The following ANKRD11 variants were observed in gnomAD, a reference collection of about 807,000 sequenced individuals.
ANKRD11 encodes ankyrin repeat domain-containing protein 11.
A neutral mutation model predicts 195.7 loss-of-function variants in ANKRD11; 17 were observed. That is an observed-to-expected ratio of 0.09 (90% confidence interval 0.06 to 0.13). The LOEUF (loss-of-function observed/expected upper bound fraction) is 0.13, where lower values mean the gene tolerates loss of function less well. ANKRD11 is among the 10% of genes least tolerant of loss of function. The pLI is 1.00. For missense variants in ANKRD11, 3,735 were observed against 3,566.1 expected (o/e 1.05, Z -1.21); for synonymous variants, 1,953 against 1,528.1 (o/e 1.28, Z -6.49).
At chr16:89,391,147 G>C (rs2041176481) in intron 2 of ANKRD11, among the ~76,000 whole-genome samples, 1 of 150,334 alleles carries the variant, frequency 6.7e-6, no homozygotes, top group Non-Finnish European at 1.5e-5. Flanking sequence ...AGAATGGTGT[G>C]AACCCGGAAG....
rs1454955433 is a variant in ANKRD11 at position 89,282,249 on chromosome 16, A to G, written c.4293T>C (p.Asn1431=). ...ELFSTEKKDK[N]DSEREPSKKI... ...TCTTGGAAGGTTCTCTCTCGGAATC[A>G]TTTTTATCTTTCTTTTCGGTAGAAA... The change falls in exon 9 of 13, where the codon AAT becomes AAC. Residue 1431 remains asparagine, a synonymous_variant. Transcript: ENST00000301030. The G allele has an allele frequency of 2.5e-6, 4 of 1,613,524 alleles. No homozygotes were observed. The African/African-American group carries it at 5.4e-5, about 22-fold the overall frequency.
intron 2 of ANKRD11, among the ~76,000 whole-genome samples, chr16:89,318,353 G>A (rs2037089406): frequency 6.6e-6 from 1 of 152,196 alleles, no homozygotes; most frequent in Non-Finnish European, 1.5e-5. Context: ...CACACCCAAA[G>A]CCACTGTCCC....
At chr16:89,271,923 C>T (rs2033191452) in intron 11 of ANKRD11, 1 of 152,180 alleles carries the variant, frequency 6.6e-6, no homozygotes. Flanking sequence ...AAGCTTCTGT[C>T]CAGCAAAGGA....
At chr16:89,301,227 G>A (rs1006800123) in intron 4 of ANKRD11, 1 of 408,376 alleles carries the variant, frequency 2.4e-6, no homozygotes, top group Non-Finnish European at 4.3e-6. Context: ...CCGCCAAAGT[G>A]CTGGAAGGGT....
chr16:89,311,390 A>G (rs890299611), intron 3 of ANKRD11, among the ~76,000 whole-genome samples: 2 of 152,236 alleles, frequency 1.3e-5, no homozygotes, highest in African/African-American at 4.8e-5. Context: ...GTATCAGTAT[A>G]GTACTAACAC....
Position 89,283,001 on chromosome 16 carries a change from G to C in ANKRD11, c.3541C>G (p.Pro1181Ala). 2 of 1,613,554 alleles carry C rather than the reference G, an allele frequency of 1.2e-6. No individual in the cohort carries two copies. The highest frequency in any genetic ancestry group is 3.3e-4 in the Middle Eastern group (2 of 6,062). The change falls in exon 9 of 13, where the codon CCC becomes GCC. Residue 1181 changes from proline to alanine, a missense_variant. Transcript: ENST00000301030. This position sits in a 1 kb window ranked among gnomAD's most constrained non-coding sequence, Gnocchi z 4.3. ...QHPERQKDKE[P>A]RDRRKDRGAA... Reference sequence around the variant, plus strand: ...CCTCGGTCCTTTCTCCTGTCTCTGGGCTCCTTGTCCTTCTGCCTCTCAGGG... The same window carrying C: ...CCTCGGTCCTTTCTCCTGTCTCTGGCCTCCTTGTCCTTCTGCCTCTCAGGG...
At chr16:89,269,134 G>A (rs936859704) in intron 12 of ANKRD11, among the ~76,000 whole-genome samples, 5 of 152,224 alleles carry the variant, frequency 3.3e-5, no homozygotes, top group South Asian at 2.1e-4. Flanking sequence ...AAATGGAAGC[G>A]TGGCCAGGGA....
intron 2 of ANKRD11, among the ~76,000 whole-genome samples, chr16:89,346,087 CA>C (rs796633721): frequency 6.0e-4 from 85 of 142,062 alleles, no homozygotes; most frequent in East Asian, 6.1e-4. Context: ...ACTAACAACA[CA>C]AAAAAAAAAA....
chr16:89,433,211 C>T (rs1255579113), intron 1 of ANKRD11, among the ~76,000 whole-genome samples: 2 of 152,192 alleles, frequency 1.3e-5, no homozygotes, highest in East Asian at 3.9e-4. Context: ...GAGGCCTCCC[C>T]TTCAAGAGGG....
At chr16:89,445,514 G>A (rs2043745911) in intron 1 of ANKRD11, among the ~76,000 whole-genome samples, 1 of 152,124 alleles carries the variant, frequency 6.6e-6, no homozygotes, top group Admixed American at 6.6e-5. Context: ...AGCCACAGAG[G>A]CTGAGGATGA....
At chr16:89,458,192 T>C (rs1165337934) in intron 1 of ANKRD11, among the ~76,000 whole-genome samples, 1 of 152,202 alleles carries the variant, frequency 6.6e-6, no homozygotes, top group Admixed American at 6.5e-5. Context: ...ACTCCTGTTC[T>C]TGTTGTACTT....
At chr16:89,389,721 A>T (rs1259119953) in intron 2 of ANKRD11, among the ~76,000 whole-genome samples, 1 of 151,280 alleles carries the variant, frequency 6.6e-6, no homozygotes, top group African/African-American at 2.4e-5. Context: ...CCGAGAGAGA[A>T]GATCACTGGG....
At chr16:89,349,134 T>TAAAAAAAAAAAAAAAAAAAAAAAAAAA (rs59621400) in intron 2 of ANKRD11, among the ~76,000 whole-genome samples, 3 of 16,574 alleles carry the variant, frequency 1.8e-4, no homozygotes, top group Non-Finnish European at 2.8e-4. Flanking sequence ...TCTCAAAAAG[T>TAAAAAAAAAAAAAAAAAAAAAAAAAAA]AAAAAAAAAA....
At chr16:89,345,315 C>T (rs2038889254) in intron 2 of ANKRD11, among the ~76,000 whole-genome samples, 2 of 143,182 alleles carry the variant, frequency 1.4e-5, no homozygotes, top group African/African-American at 5.2e-5. Context: ...GGAAAGCACT[C>T]GACCCCACAG....
At chr16:89,275,230 T>C in intron 9 of ANKRD11, 39 bp from the exon 10 acceptor site, 2 of 1,537,616 alleles carry the variant, frequency 1.3e-6, no homozygotes, top group Non-Finnish European at 1.8e-6. Context: ...CAGCTGGGGC[T>C]GTGGAACTGC....
chr16:89,310,724 A>G (rs2036563638), intron 3 of ANKRD11, among the ~76,000 whole-genome samples: 1 of 152,192 alleles, frequency 6.6e-6, no homozygotes, highest in African/African-American at 2.4e-5. Flanking sequence ...CATTTTTACA[A>G]TTTCAGCCCT....
At chr16:89,312,118 G>A (rs1029509926) in intron 3 of ANKRD11, among the ~76,000 whole-genome samples, 3 of 152,140 alleles carry the variant, frequency 2.0e-5, no homozygotes, top group South Asian at 2.1e-4. Flanking sequence ...GGCTGGTCTC[G>A]AACTCCCGAC....
chr16:89,313,168 C>T (rs2036710859), intron 3 of ANKRD11: 2 of 821,328 alleles, frequency 2.4e-6, no homozygotes, highest in African/African-American at 1.8e-5. Context: ...CTTTGAGAAC[C>T]ACCAAGTGAA....
intron 1 of ANKRD11, among the ~76,000 whole-genome samples, chr16:89,475,234 C>A (rs1040364047): frequency 9.9e-5 from 15 of 152,158 alleles, no homozygotes; most frequent in Admixed American, 6.5e-4. Flanking sequence ...GAGAACAAAG[C>A]CCACAGCATT....
Sources: gnomAD v4.1 joint callset for allele counts (sites outside exome capture counted in the v4.1 genomes callset) on GRCh38, gnomAD v4.1.1 for gene constraint, Gnocchi (gnomAD v3.1) non-coding constraint, MANE v1.5 for transcripts, NCBI Gene and HGNC (gene_info 2026-07-23, HGNC 2026-07-21) for gene names.